Variants in CD300E observed in about 807,000 individuals in gnomAD.
CD300E encodes CMRF35-like molecule 2.
In CD300E, 14 loss-of-function variants were observed where a neutral mutation model predicts 20.9. That is an observed-to-expected ratio of 0.67 (90% CI 0.44 to 1.05). The LOEUF (loss-of-function observed/expected upper bound fraction) is 1.05. Ranked by LOEUF, CD300E falls within the 50% of genes least tolerant of loss-of-function variation. The pLI, the probability that CD300E is intolerant of heterozygous loss-of-function variation, is 0.00. For synonymous variants in CD300E, 102 were observed against 103.7 expected, an observed-to-expected ratio of 0.98 and a Z score of 0.10; for missense variants, 237 against 253.9, an observed-to-expected ratio of 0.93 and a Z score of 0.45.
intron 2 of CD300E, among the ~76,000 whole-genome samples, chr17:74,615,613 C>T (rs755536743): frequency 2.0e-5 from 3 of 152,094 alleles, no homozygotes; most frequent in Admixed American, 6.5e-5. Flanking sequence ...TTAGACAGGG[C>T]GACCAACTTT....
At position 74,612,694 on chromosome 17, in the gene CD300E, A is replaced by G. The variant is rs1466474947; in HGVS notation, c.577T>C (p.Phe193Leu). 6.2e-7 allele frequency: 1 copy of G among 1,613,980 alleles called. No homozygotes were observed. ...PLLLSMLGAV[F>L]WVNRPQWAPP... is the part of the protein sequence containing the mutation. ...GCCCACTGAGGCCTGTTCACCCAGA[A>G]GACAGCACCCAGCATGCTCAGGAGC... The change falls in exon 4 of 4, where the codon TTC becomes CTC. Residue 193 changes from phenylalanine (F) to leucine (L), a missense_variant. Physicochemically the swap from Phe to Leu is conservative, Grantham distance 22 (BLOSUM62 0). Coordinates refer to ENST00000392619, the MANE Select transcript of CD300E (RefSeq NM_181449.3).
In CD300E at chr17:74,619,937, AG is replaced by A. The variant is rs369817933; in HGVS notation, c.41-2473del. Among the ~76,000 whole-genome samples the A allele has an allele frequency of 2.9e-4, 44 of 152,380 alleles. No homozygotes were observed. In the East Asian group the frequency reaches 8.3e-3, roughly 29 times the overall value. The stretch of plus-strand genomic sequence containing the variant: ...TCTGGAAGGTCACCCTAGAAAAGAA[AG>A]GGCCTTCTGCATTCATGATGGCTAT... On this transcript the variant is annotated intron_variant, in intron 1 of 3. Transcript: ENST00000392619.
chr17:74,614,854 A>G lies in CD300E; in HGVS notation c.389-821T>C, dbSNP rs114073887. On this transcript the variant is annotated intron_variant, in intron 2 of 3. Coordinates refer to ENST00000392619, the MANE Select transcript of CD300E (RefSeq NM_181449.3). ...ACACTCGGCTCCTCCTAAGGACTTC[A>G]GGTGACCACCAGACTATTGACATAG... Among the ~76,000 whole-genome samples the G allele has an allele frequency of 3.9e-3, 587 of 152,242 alleles. 6 individuals carry two copies. Among genetic ancestry groups the G allele is most frequent in the African/African-American group, 0.013 (551 of 41,550 alleles).
intron 1 of CD300E, among the ~76,000 whole-genome samples, chr17:74,621,729 C>T (rs2031026382): frequency 6.6e-6 from 1 of 152,150 alleles, no homozygotes; most frequent in Admixed American, 6.5e-5. Context: ...ACCTCCATGG[C>T]CAATGGAAAG....
At chr17:74,612,960 C>T (rs1008715944) in intron 3 of CD300E, among the ~76,000 whole-genome samples, 187 bp from the exon 4 acceptor site, 8 of 152,148 alleles carry the variant, frequency 5.3e-5, no homozygotes, top group African/African-American at 1.2e-4. Flanking sequence ...AAGGACTGCC[C>T]GGGGGGTCTC....
rs928774666 is a variant in CD300E, at chr17:74,612,875, C to G, written c.498-102G>C. On this transcript the variant is annotated intron_variant, in intron 3 of 3. Transcript: ENST00000392619. The stretch of plus-strand genomic sequence containing the variant: ...GCTCTGACTCTGGAGCCCAAATAAC[C>G]CAGGAGCAGCCAGGGAAAGGACCTA... 3 of 1,471,594 alleles carry G rather than the reference C, an allele frequency of 2.0e-6. No individual in the cohort carries two copies. The East Asian group carries it at 6.9e-5, about 34-fold the overall frequency. The allele number at this position is 1,471,594 out of a possible 1,614,324, so 91.2% of individuals were successfully genotyped here.
chr17:74,611,213 G>A lies in CD300E; in HGVS notation c.*1440C>T, dbSNP rs2030768625. ...AATTTCTCTTTCAGCATGAGTCCTG[G>A]GCCAGCCCCATCTTTCCCCTAGTCA... On this transcript the variant is annotated 3_prime_UTR_variant, in exon 4 of 4. Transcript: ENST00000392619. 1.3e-5 allele frequency: 2 copies of A among 152,144 alleles called. No individual in the cohort carries two copies. The highest frequency in any genetic ancestry group is 6.5e-5 in the Admixed American group (1 of 15,268). The allele number at this position is 152,144 out of a possible 1,614,324, so 9.4% of individuals were successfully genotyped here. A position where few individuals can be genotyped will look rare whatever the true frequency, so the allele number is the denominator to read the frequency against.
intron 2 of CD300E, among the ~76,000 whole-genome samples, chr17:74,616,813 C>T (rs974433716): frequency 6.6e-6 from 1 of 152,156 alleles, no homozygotes; most frequent in Non-Finnish European, 1.5e-5. Flanking sequence ...TTCTTTGGTA[C>T]AGGCTTCCCA....
At chr17:74,617,004 A>G in intron 2 of CD300E, 114 bp downstream of exon 2, 2 of 902,080 alleles carry the variant, frequency 2.2e-6, no homozygotes, top group Admixed American at 4.2e-5. Flanking sequence ...TCCCAACACC[A>G]CTGTGACTGA....
At chr17:74,613,786 C>T in intron 3 of CD300E, 139 bp downstream of exon 3, 1 of 613,210 alleles carries the variant, frequency 1.6e-6, no homozygotes, top group South Asian at 1.9e-5. Context: ...CATGCAGCCT[C>T]AGAGAGTATG....
chr17:74,617,779 T>C (rs1351061784), intron 1 of CD300E, among the ~76,000 whole-genome samples: 3 of 152,150 alleles, frequency 2.0e-5, no homozygotes, highest in Admixed American at 2.0e-4. Context: ...AGGCATGAGA[T>C]TTGGTCATAT....
chr17:74,613,933 T>C lies in CD300E; in HGVS notation c.489A>G (p.Gln163=). ...RNLSTGEVLT[Q]NSGFRLSSPH... is the part of the protein sequence containing the mutation. ...AGGCCCTGCGTGCTTACCCTGAATT[T>C]TGGGTCAACACCTCCCCGGTGCTGA... Residue 163 remains glutamine (Q), a synonymous_variant, in exon 3 of 4, where the codon CAA becomes CAG. Transcript: ENST00000392619. The C allele has an allele frequency of 6.2e-7, 1 of 1,612,518 alleles. No individual in the cohort carries two copies.
At chr17:74,617,540 G>A (rs1598150514) in intron 1 of CD300E, 75 bp from the exon 2 acceptor site, 1 of 1,303,602 alleles carries the variant, frequency 7.7e-7, no homozygotes, top group African/African-American at 1.5e-5. Flanking sequence ...GAAGCTTAAG[G>A]GGAAGATTGC....
At position 74,611,353 on chromosome 17, in the gene CD300E, T is replaced by C. The variant is rs976637327; in HGVS notation, c.*1300A>G. 2.0e-5 allele frequency: 3 copies of C among 152,290 alleles called. No homozygotes were observed. Among genetic ancestry groups the C allele is most frequent in the African/African-American group, 4.8e-5 (2 of 41,448 alleles). 9.4% of individuals were successfully genotyped at this position (152,290 alleles called of 1,614,324 possible). A position where few individuals can be genotyped will look rare whatever the true frequency, so the allele number is the denominator to read the frequency against. On this transcript the variant is annotated 3_prime_UTR_variant, in exon 4 of 4. Transcript: ENST00000392619. ...CATGTGCTCTGGACACTGGCATCAC[T>C]AGCTCAGGATGAGCTCAGGCCTGGG... is the stretch of plus-strand genomic sequence containing the variant.
At position 74,617,428 on chromosome 17, in the gene CD300E, G is replaced by T; in HGVS notation, c.78C>A (p.Gly26=). 1 of 1,613,864 alleles carries T rather than the reference G, an allele frequency of 6.2e-7. No homozygotes were observed. The highest frequency in any genetic ancestry group is 1.7e-5 in the Admixed American group (1 of 60,020). Reference sequence around the variant, plus strand: ...ACACTGTCAGAGAGTCCCCCGCAGTGCCAGTCACAGAGCCGGGGCCCTTCA... The same window carrying T: ...ACACTGTCAGAGAGTCCCCCGCAGTTCCAGTCACAGAGCCGGGGCCCTTCA... ...LSLKGPGSVT[G]TAGDSLTVWC... Residue 26 remains glycine, a synonymous_variant, in exon 2 of 4, where the codon GGC becomes GGA. Transcript: ENST00000392619.
chr17:74,617,298 C>A lies in CD300E; in HGVS notation c.208G>T (p.Val70Leu), dbSNP rs747124910. The A allele has an allele frequency of 3.7e-5, 60 of 1,614,108 alleles. No homozygotes were observed. Among genetic ancestry groups the A allele is most frequent in the Admixed American group, 2.5e-4 (15 of 60,012 alleles). The change falls in exon 2 of 4, where the codon GTG becomes TTG. Residue 70 changes from valine (V) to leucine (L), a missense_variant. Val to Leu is a conservative substitution (Grantham distance 32). Transcript: ENST00000392619. The part of the protein sequence containing the change: ...SIVETKGEEK[V>L]ERNGRVSIRD... ...ATGGACACGCGGCCATTCCTCTCCA[C>A]CTTCTCTTCTCCCTTGGTCTCCACA...
At chr17:74,617,526 GT>G in intron 1 of CD300E, 61 bp from the exon 2 acceptor site, 1 of 1,419,098 alleles carries the variant, frequency 7.0e-7, no homozygotes, top group Non-Finnish European at 9.7e-7. Context: ...GCAGCCGTCT[GT>G]CTGAAGCTTA....
rs181581621 is a variant in CD300E, at chr17:74,611,367, C to T, written c.*1286G>A. The T allele has an allele frequency of 6.1e-3, 923 of 152,482 alleles. 8 individuals carry two copies. Among genetic ancestry groups the T allele is most frequent in the African/African-American group, 0.021 (870 of 41,588 alleles). The allele number at this position is 152,482 out of a possible 1,614,324, so 9.4% of individuals were successfully genotyped here. ...ACTGGCATCACTAGCTCAGGATGAGCTCAGGCCTGGGGGCAGAGGGGGAGC... is the reference window on the plus strand; with the variant it reads ...ACTGGCATCACTAGCTCAGGATGAGTTCAGGCCTGGGGGCAGAGGGGGAGC... On this transcript the variant is annotated 3_prime_UTR_variant, in exon 4 of 4. Transcript: ENST00000392619.
At chr17:74,623,432 G>A (rs2031063740) in intron 1 of CD300E, 150 bp downstream of exon 1, 1 of 694,614 alleles carries the variant, frequency 1.4e-6, no homozygotes, top group African/African-American at 1.8e-5. Context: ...ATGAATGATT[G>A]AATGTATAGA....
Sources: allele counts gnomAD v4.1 joint callset (sites outside exome capture counted in the v4.1 genomes callset), GRCh38; gene constraint gnomAD v4.1.1; transcripts MANE v1.5; gene names NCBI Gene and HGNC (gene_info 2026-07-23, HGNC 2026-07-21).